The following LPP variants were observed in gnomAD, a reference collection of about 807,000 sequenced individuals.
The protein encoded by LPP is LIM domain containing preferred translocation partner in lipoma.
In LPP, 38 loss-of-function variants were observed where a neutral mutation model predicts 60.4. That is an observed-to-expected ratio of 0.63 (90% CI 0.49 to 0.83). The LOEUF is 0.83. LPP is among the 40% of genes least tolerant of loss of function. LPP has a pLI of 0.00. For missense variants in LPP, 902 were observed against 783.6 expected (o/e 1.15, Z -1.80); for synonymous variants, 328 against 290.8 (o/e 1.13, Z -1.30).
intron 2 of LPP, among the ~76,000 whole-genome samples, chr3:188,242,709 G>A (rs1725415752): frequency 6.6e-6 from 1 of 152,154 alleles, no homozygotes; most frequent in African/African-American, 2.4e-5. Context: ...TCCCTTCTGA[G>A]GCTAACATGC....
At chr3:188,657,383 A>T (rs577906484) in intron 7 of LPP, among the ~76,000 whole-genome samples, 101 of 151,228 alleles carry the variant, frequency 6.7e-4, no homozygotes, top group African/African-American at 2.4e-3. Flanking sequence ...TGTCATTACA[A>T]CTTTAATTTC....
chr3:188,578,622 C>T (rs1004534644), intron 6 of LPP, among the ~76,000 whole-genome samples: 3 of 49,632 alleles, frequency 6.0e-5, no homozygotes, highest in Admixed American at 5.2e-4. Flanking sequence ...AACTCATTCC[C>T]TCACTTTTTT....
At chr3:188,724,889 G>A (rs1717784955) in intron 8 of LPP, among the ~76,000 whole-genome samples, 1 of 152,162 alleles carries the variant, frequency 6.6e-6, no homozygotes, top group Non-Finnish European at 1.5e-5. Flanking sequence ...CAAGGAAAAG[G>A]GGACTGATTT....
At chr3:188,573,705 G>T (rs1008508299) in intron 6 of LPP, among the ~76,000 whole-genome samples, 10 of 151,082 alleles carry the variant, frequency 6.6e-5, no homozygotes, top group African/African-American at 2.4e-4. Context: ...CTGGCTGCTT[G>T]TCAAGCTGAG....
chr3:188,241,748 T>A (rs57704700), intron 2 of LPP, among the ~76,000 whole-genome samples: 8,940 of 152,238 alleles, frequency 0.059, 490 homozygotes, highest in African/African-American at 0.15. Context: ...TTATAACTAC[T>A]ACTATATACG....
chr3:188,672,401 T>C (rs915474050), intron 7 of LPP, among the ~76,000 whole-genome samples: 2 of 152,194 alleles, frequency 1.3e-5, no homozygotes, highest in Admixed American at 1.3e-4. Flanking sequence ...TGTTGGCTCA[T>C]GTTTTGCTTG....
Position 188,878,764 on chromosome 3 carries a change from A to T in LPP, c.*4285A>T, listed in dbSNP as rs1431668455. The T allele has an allele frequency of 1.0e-4, 20 of 196,134 alleles. No individual in the cohort carries two copies. The highest frequency in any genetic ancestry group is 2.0e-4 in the South Asian group (1 of 5,122). The allele number at this position is 196,134 out of a possible 1,614,324, so 12.1% of individuals were successfully genotyped here. ...CTCACCAAAAAGTAAAAAAGTAAAA[A>T]AAAAAAAAAAAGAAAGAAAGAAAAG... On this transcript the variant is annotated 3_prime_UTR_variant, in exon 12 of 12. Transcript: ENST00000617246.
Position 188,407,270 on chromosome 3 carries a change from G to A in LPP, c.193+957G>A, listed in dbSNP as rs767204949. ...AATGTTTGTTTTGTCAATATTGCACGCAAGTGTTTCACACTCTGTGATATA... is the reference window on the plus strand; with the variant it reads ...AATGTTTGTTTTGTCAATATTGCACACAAGTGTTTCACACTCTGTGATATA... On this transcript the variant is annotated intron_variant, in intron 4 of 11. Transcript: ENST00000617246. Among the ~76,000 whole-genome samples the A allele has an allele frequency of 4.6e-5, 7 of 152,106 alleles. No individual in the cohort carries two copies. In the East Asian group the frequency reaches 5.8e-4, roughly 13 times the overall value.
At chr3:188,248,686 T>G (rs1053341163) in intron 2 of LPP, among the ~76,000 whole-genome samples, 1 of 151,748 alleles carries the variant, frequency 6.6e-6, no homozygotes, top group Non-Finnish European at 1.5e-5. Context: ...CAAGGCCTGA[T>G]TCATTAATTT....
At chr3:188,345,724 T>G (rs908183475) in intron 3 of LPP, among the ~76,000 whole-genome samples, 1 of 152,150 alleles carries the variant, frequency 6.6e-6, no homozygotes, top group Non-Finnish European at 1.5e-5. Context: ...GTATAATCAT[T>G]GCCAAAATGA....
At chr3:188,462,414 AATTG>A (rs1212533521) in intron 4 of LPP, among the ~76,000 whole-genome samples, 1 of 150,334 alleles carries the variant, frequency 6.7e-6, no homozygotes, top group East Asian at 1.9e-4. Context: ...AATATTTTTA[AATTG>A]ATTGTATATT....
chr3:188,262,267 A>G (rs892553160), intron 2 of LPP, among the ~76,000 whole-genome samples: 2 of 152,122 alleles, frequency 1.3e-5, no homozygotes, highest in African/African-American at 4.8e-5. Flanking sequence ...GATATTCCCT[A>G]CCAAGCACGA....
intron 9 of LPP, among the ~76,000 whole-genome samples, chr3:188,860,008 T>G (rs930931929): frequency 6.6e-6 from 1 of 152,218 alleles, no homozygotes; most frequent in South Asian, 2.1e-4. Flanking sequence ...AAACACACAT[T>G]ACATGCAGAT....
chr3:188,397,581 G>T (rs1352387844), intron 3 of LPP, among the ~76,000 whole-genome samples: 1 of 151,678 alleles, frequency 6.6e-6, no homozygotes, highest in African/African-American at 2.4e-5. Context: ...TGAAAGTGCA[G>T]CGTGGAGGCA....
At chr3:188,629,719 G>GA (rs938272372) in intron 7 of LPP, among the ~76,000 whole-genome samples, 39 of 149,002 alleles carry the variant, frequency 2.6e-4, no homozygotes, top group African/African-American at 5.9e-4. Flanking sequence ...CACAGAATTA[G>GA]AAAAAAAAAA....
chr3:188,203,263 A>G (rs1359837152), intron 1 of LPP, among the ~76,000 whole-genome samples: 2 of 123,674 alleles, frequency 1.6e-5, no homozygotes, highest in Non-Finnish European at 3.1e-5. Context: ...GTATAGTAAA[A>G]TATATAATAT....
intron 3 of LPP, among the ~76,000 whole-genome samples, chr3:188,344,533 G>A (rs1294172729): frequency 6.6e-6 from 1 of 152,160 alleles, no homozygotes; most frequent in East Asian, 1.9e-4. Flanking sequence ...AGTTGGACCA[G>A]TTGATCATGG....
At chr3:188,568,044 T>G (rs868797775) in intron 6 of LPP, 6 of 152,020 alleles carry the variant, frequency 3.9e-5, no homozygotes, top group Non-Finnish European at 8.8e-5. Flanking sequence ...CTGGACCCAA[T>G]TGTTAGTTGT....
intron 1 of LPP, among the ~76,000 whole-genome samples, chr3:188,167,309 C>G (rs569828842): frequency 6.6e-6 from 1 of 152,248 alleles, no homozygotes; most frequent in African/African-American, 2.4e-5. Flanking sequence ...ACCAACCTAG[C>G]CAACAAAGCA....
Sources: allele counts gnomAD v4.1 joint callset (sites outside exome capture counted in the v4.1 genomes callset), GRCh38; gene constraint gnomAD v4.1.1; transcripts MANE v1.5; gene names NCBI Gene and HGNC (gene_info 2026-07-23, HGNC 2026-07-21).